BSN: variants seen among roughly 807,000 people sequenced by gnomAD.
The protein encoded by BSN is bassoon presynaptic cytomatrix protein.
BSN carries 57 observed loss-of-function variants against 264.8 expected under a neutral mutation model. The ratio of observed to expected loss-of-function variants is 0.22; its 90% CI spans 0.17 to 0.27. The LOEUF (loss-of-function observed/expected upper bound fraction) is 0.27. Ranked by LOEUF, BSN falls within the 10% of genes least tolerant of loss-of-function variation. The probability of loss-of-function intolerance (pLI) is 1.00; values close to 1 mark genes in which losing one functional copy is unlikely to be tolerated. For missense variants in BSN, 4,615 were observed against 5,232.5 expected (o/e 0.88, Z 3.64); for synonymous variants, 2,059 against 2,137.3 (o/e 0.96, Z 1.01).
At position 49,627,037 on chromosome 3, in the gene BSN, T is replaced by A. The variant is rs143110726; in HGVS notation, c.633+1654T>A. ...CTGCCTCATTGTGCTGGGAGGAAGCTGAGGCTCAGGGCCAGGAGAAGATGG... is the reference window on the plus strand; with the variant it reads ...CTGCCTCATTGTGCTGGGAGGAAGCAGAGGCTCAGGGCCAGGAGAAGATGG... On this transcript the variant is annotated intron_variant, in intron 2 of 11. Transcript: ENST00000296452. 1.5e-3 allele frequency among the ~76,000 whole-genome samples: 233 copies of A among 152,380 alleles called. 1 individual carries two copies. In the South Asian group the frequency reaches 0.026, roughly 17 times the overall value.
rs1392701535 is a variant in BSN, at chr3:49,653,889, G to C, written c.4333G>C (p.Ala1445Pro). ...LPQAPSGLAA[A>P]GRAAREKPLS... Reference sequence around the variant, plus strand: ...CCAGGCCCCCAGTGGCCTTGCTGCAGCTGGACGAGCTGCTAGAGAGAAGCC... The same window carrying C: ...CCAGGCCCCCAGTGGCCTTGCTGCACCTGGACGAGCTGCTAGAGAGAAGCC... Residue 1445 changes from alanine to proline, a missense_variant, in exon 5 of 12, where the codon GCT (alanine) becomes CCT (proline). Physicochemically the swap from Ala to Pro is conservative, Grantham distance 27. Coordinates refer to ENST00000296452, the MANE Select transcript of BSN (RefSeq NM_003458.4). The surrounding 1 kb of genome is among the most constrained non-coding windows in gnomAD (Gnocchi z 6.3). The C allele has an allele frequency of 1.5e-5, 25 of 1,613,948 alleles. No homozygotes were observed. The Admixed American group carries it at 4.2e-4, about 27-fold the overall frequency.
At chr3:49,572,203 C>T (rs1359363989) in intron 1 of BSN, among the ~76,000 whole-genome samples, 1 of 152,194 alleles carries the variant, frequency 6.6e-6, no homozygotes, top group African/African-American at 2.4e-5. Flanking sequence ...TTGAATTAAT[C>T]TGACATAAAA....
Position 49,663,465 on chromosome 3 carries a change from T to C in BSN, c.11307T>C (p.Ser3769=), listed in dbSNP as rs763460708. Reference sequence around the variant, plus strand: ...CACCATCATCCAGGCAAATACCCTCTGGGGCAGCATCACGCCAGCCACAGA... The same window carrying C: ...CACCATCATCCAGGCAAATACCCTCCGGGGCAGCATCACGCCAGCCACAGA... The part of the protein sequence containing the change: ...SQSPSSRQIP[S]GAASRQPQTQ... Residue 3769 remains serine (S), a synonymous_variant, in exon 7 of 12, where the codon TCT becomes TCC. Transcript: ENST00000296452. The C allele has an allele frequency of 1.1e-5, 17 of 1,612,604 alleles. No individual in the cohort carries two copies. In the East Asian group the frequency reaches 1.6e-4, roughly 15 times the overall value.
At chr3:49,592,475 C>G (rs183767585) in intron 1 of BSN, among the ~76,000 whole-genome samples, 2 of 150,640 alleles carry the variant, frequency 1.3e-5, no homozygotes, top group African/African-American at 2.4e-5. Flanking sequence ...CAGAGAGGGC[C>G]GGACGCGGTG....
chr3:49,658,858 G>GT (rs1178499000), intron 5 of BSN, among the ~76,000 whole-genome samples: 1 of 152,234 alleles, frequency 6.6e-6, no homozygotes, highest in East Asian at 1.9e-4. Flanking sequence ...GATGGGGACT[G>GT]TGAGAAGTGG....
intron 1 of BSN, among the ~76,000 whole-genome samples, chr3:49,609,819 C>T (rs2052189939): frequency 6.6e-6 from 1 of 152,194 alleles, no homozygotes. Context: ...TCTTTTCTCC[C>T]CCAGACTTGT....
chr3:49,586,663 A>G (rs2051940488), intron 1 of BSN, among the ~76,000 whole-genome samples: 1 of 152,206 alleles, frequency 6.6e-6, no homozygotes, highest in East Asian at 1.9e-4. Context: ...TATTGAAGAT[A>G]CTGTCTTTTC....
intron 1 of BSN, among the ~76,000 whole-genome samples, chr3:49,587,376 C>T (rs541508927): frequency 2.1e-4 from 32 of 152,296 alleles, no homozygotes; most frequent in African/African-American, 7.0e-4. Flanking sequence ...TTGACTTCTT[C>T]CTTTCCCCTT....
intron 2 of BSN, among the ~76,000 whole-genome samples, chr3:49,637,424 T>A (rs1462365761): frequency 6.6e-6 from 1 of 152,152 alleles, no homozygotes; most frequent in Non-Finnish European, 1.5e-5. Flanking sequence ...GTGCAGCCAG[T>A]GTTCCTGCAG....
chr3:49,660,951 C>T lies in BSN; in HGVS notation c.9106C>T (p.Pro3036Ser), dbSNP rs2052648594. ...TCCCGCTGGCCAGTTTGTGGACTTC[C>T]CTGCCACTGCCGCTGCTCCTGCCAC... ...TTPAGQFVDFPATAAAPATPS... is the reference protein window; with the variant it reads ...TTPAGQFVDFSATAAAPATPS... The change falls in exon 6 of 12, where the codon CCT becomes TCT. Residue 3036 changes from proline (P) to serine (S), a missense_variant. Physicochemically the swap from Pro to Ser is moderately conservative, Grantham distance 74 (BLOSUM62 -1). Around this residue, in one of 3 missense-constraint regions of BSN, gnomAD observed 3,415 missense variants for 3,866.4 expected, o/e 0.88. Transcript: ENST00000296452. The surrounding 1 kb of genome is among the most constrained non-coding windows in gnomAD (Gnocchi z 7.1). The T allele has an allele frequency of 6.2e-7, 1 of 1,612,072 alleles. No homozygotes were observed.
chr3:49,565,302 A>G (rs1388343380), intron 1 of BSN, among the ~76,000 whole-genome samples: 1 of 92,790 alleles, frequency 1.1e-5, no homozygotes, highest in African/African-American at 4.4e-5. Flanking sequence ...CCCACCCACC[A>G]CGCCCAGCTA....
intron 1 of BSN, among the ~76,000 whole-genome samples, chr3:49,579,425 C>T (rs1385476823): frequency 1.2e-4 from 18 of 148,402 alleles, no homozygotes; most frequent in Non-Finnish European, 1.0e-4. Context: ...TTTTTTGAGA[C>T]GGAGTCTCGC....
Position 49,671,412 on chromosome 3 carries a change from C to G in BSN, c.*3927C>G, listed in dbSNP as rs186071896. The G allele has an allele frequency of 6.5e-6, 1 of 152,714 alleles. No homozygotes were observed. The highest frequency in any genetic ancestry group is 6.5e-5 in the Admixed American group (1 of 15,300). 9.5% of individuals were successfully genotyped at this position (152,714 alleles called of 1,614,324 possible). ...CAGTTGTAAGTGCAATGACCCGAGT[C>G]CTCCACATGACCTTGTGAATTGTGT... On this transcript the variant is annotated 3_prime_UTR_variant, in exon 12 of 12. Transcript: ENST00000296452. This position sits in a 1 kb window ranked among gnomAD's most constrained non-coding sequence, Gnocchi z 4.1.
intron 1 of BSN, among the ~76,000 whole-genome samples, chr3:49,580,216 G>A (rs2051885239): frequency 6.6e-6 from 1 of 151,774 alleles, no homozygotes; most frequent in East Asian, 1.9e-4. Context: ...GAGTAGCTGG[G>A]ACTACAGGCA....
intron 1 of BSN, among the ~76,000 whole-genome samples, chr3:49,612,441 T>C: frequency 6.6e-6 from 1 of 152,204 alleles, no homozygotes; most frequent in East Asian, 1.9e-4. Flanking sequence ...GGCCAAATAA[T>C]GATTTTTCAA....
Position 49,642,899 on chromosome 3 carries a change from C to T in BSN, c.1265C>T (p.Pro422Leu). 1 of 1,613,920 alleles carries T rather than the reference C, an allele frequency of 6.2e-7. No individual in the cohort carries two copies. Among genetic ancestry groups the T allele is most frequent in the Non-Finnish European group, 8.5e-7 (1 of 1,180,002 alleles). The part of the protein sequence containing the change: ...AKTEPGARMG[P>L]GSGPGALPKT... Reference sequence around the variant, plus strand: ...ACTGAGCCTGGGGCTAGAATGGGTCCTGGATCTGGACCTGGAGCCCTGCCG... The same window carrying T: ...ACTGAGCCTGGGGCTAGAATGGGTCTTGGATCTGGACCTGGAGCCCTGCCG... The change falls in exon 3 of 12, where the codon CCT becomes CTT. Residue 422 changes from proline to leucine, a missense_variant. Pro to Leu is a moderately conservative substitution (Grantham distance 98). This residue lies in a region of BSN where 1,197 missense variants were observed against 1,348.0 expected (regional missense o/e 0.89). Coordinates refer to ENST00000296452, the MANE Select transcript of BSN (RefSeq NM_003458.4). The surrounding 1 kb of genome is among the most constrained non-coding windows in gnomAD (Gnocchi z 7.0).
At chr3:49,646,361 A>G (rs2108075748) in intron 3 of BSN, among the ~76,000 whole-genome samples, 1 of 152,358 alleles carries the variant, frequency 6.6e-6, no homozygotes, top group East Asian at 1.9e-4. Context: ...GAATTGTGAC[A>G]GTAACATTAC....
In BSN at chr3:49,656,334, C is replaced by G. The variant is rs749793602; in HGVS notation, c.6778C>G (p.Arg2260Gly). Residue 2260 changes from arginine to glycine, a missense_variant, in exon 5 of 12, where the codon CGC (arginine) becomes GGC (glycine). Arg to Gly is a moderately radical substitution (Grantham distance 125, BLOSUM62 -2). Coordinates refer to ENST00000296452, the MANE Select transcript of BSN (RefSeq NM_003458.4). ...RVPLGPTGLY[R>G]YPAPSRFPIA... Reference sequence around the variant, plus strand: ...ACCTCTTGGACCCACAGGGCTGTACCGCTATCCTGCACCAAGTAGATTTCC... The same window carrying G: ...ACCTCTTGGACCCACAGGGCTGTACGGCTATCCTGCACCAAGTAGATTTCC... 6.2e-7 allele frequency: 1 copy of G among 1,612,004 alleles called. No individual in the cohort carries two copies. The highest frequency in any genetic ancestry group is 8.5e-7 in the Non-Finnish European group (1 of 1,179,398).
At chr3:49,615,346 C>T (rs1046055548) in intron 1 of BSN, among the ~76,000 whole-genome samples, 2 of 152,126 alleles carry the variant, frequency 1.3e-5, no homozygotes, top group East Asian at 1.9e-4. Context: ...ATACACCTGG[C>T]GTCACTGGTG....
Sources: gnomAD v4.1 joint callset for allele counts (sites outside exome capture counted in the v4.1 genomes callset) on GRCh38, gnomAD v4.1.1 for gene constraint, gnomAD v4.1.1 regional missense constraint, Gnocchi (gnomAD v3.1) non-coding constraint, MANE v1.5 for transcripts, NCBI Gene and HGNC (gene_info 2026-07-23, HGNC 2026-07-21) for gene names.